The following NLGN1 variants were observed in gnomAD, a reference collection of about 807,000 sequenced individuals.
NLGN1 encodes neuroligin-1.
In NLGN1, 12 loss-of-function variants were observed where a neutral mutation model predicts 65.5. The observed-to-expected ratio is 0.18, with a 90% confidence interval of 0.12 to 0.30. The LOEUF is 0.30. Ranked by LOEUF, NLGN1 falls within the 10% of genes least tolerant of loss-of-function variation. The pLI is 1.00. For synonymous variants in NLGN1, 350 were observed against 359.5 expected, an observed-to-expected ratio of 0.97 and a Z score of 0.30; for missense variants, 750 against 1,007.1, an observed-to-expected ratio of 0.74 and a Z score of 3.46.
chr3:174,001,941 A>G (rs1208985425), intron 4 of NLGN1, among the ~76,000 whole-genome samples: 2 of 152,144 alleles, frequency 1.3e-5, no homozygotes, highest in Admixed American at 6.5e-5. Context: ...TGCACTTCGG[A>G]AACTCTGATG....
At chr3:173,963,428 A>G (rs1342688006) in intron 4 of NLGN1, among the ~76,000 whole-genome samples, 1 of 152,206 alleles carries the variant, frequency 6.6e-6, no homozygotes, top group East Asian at 1.9e-4. Context: ...GTTACATTTT[A>G]CATGAGTGGG....
intron 3 of NLGN1, among the ~76,000 whole-genome samples, chr3:173,739,139 C>T (rs1178437963): frequency 1.3e-5 from 2 of 151,846 alleles, no homozygotes; most frequent in Admixed American, 6.6e-5. Context: ...ACTCATGAGT[C>T]GTACTCATGG....
chr3:173,877,659 T>G (rs1292420656), intron 4 of NLGN1, among the ~76,000 whole-genome samples: 1 of 152,140 alleles, frequency 6.6e-6, no homozygotes, highest in Non-Finnish European at 1.5e-5. Flanking sequence ...TCTGTACTAT[T>G]TTTGCCACTC....
At chr3:174,041,130 C>T (rs1391554888) in intron 4 of NLGN1, among the ~76,000 whole-genome samples, 2 of 152,116 alleles carry the variant, frequency 1.3e-5, no homozygotes, top group Non-Finnish European at 2.9e-5. Flanking sequence ...CCATCATGCT[C>T]CATTCCAGCC....
intron 3 of NLGN1, among the ~76,000 whole-genome samples, chr3:173,750,636 C>T (rs1776187446): frequency 6.6e-6 from 1 of 152,024 alleles, no homozygotes; most frequent in Admixed American, 6.6e-5. Flanking sequence ...ATTTCTGTGC[C>T]TCAAAGTAAT....
intron 4 of NLGN1, among the ~76,000 whole-genome samples, chr3:173,923,653 G>C (rs1197103708): frequency 6.6e-6 from 1 of 151,970 alleles, no homozygotes; most frequent in Non-Finnish European, 1.5e-5. Flanking sequence ...TAAATTTTCA[G>C]TATAAATCTG....
At chr3:174,060,368 C>T (rs1219829970) in intron 4 of NLGN1, among the ~76,000 whole-genome samples, 1 of 151,672 alleles carries the variant, frequency 6.6e-6, no homozygotes, top group Non-Finnish European at 1.5e-5. Flanking sequence ...AGAAGAAGGA[C>T]AGGAAAAGAG....
chr3:173,462,042 A>G (rs1342835226), intron 2 of NLGN1, among the ~76,000 whole-genome samples: 1 of 152,240 alleles, frequency 6.6e-6, no homozygotes, highest in African/African-American at 2.4e-5. Flanking sequence ...CTGATAAAAC[A>G]TCAAAAATCA....
intron 2 of NLGN1, among the ~76,000 whole-genome samples, chr3:173,523,754 A>T (rs1010262170): frequency 6.6e-6 from 1 of 151,534 alleles, no homozygotes; most frequent in Non-Finnish European, 1.5e-5. Context: ...TTTTGATTAC[A>T]TATGAAATTT....
At chr3:173,964,938 C>T (rs920215909) in intron 4 of NLGN1, among the ~76,000 whole-genome samples, 1 of 152,154 alleles carries the variant, frequency 6.6e-6, no homozygotes, top group African/African-American at 2.4e-5. Flanking sequence ...GATATGAGAT[C>T]TTCAAAGCTG....
chr3:174,012,217 T>G (rs891709174), intron 4 of NLGN1, among the ~76,000 whole-genome samples: 1 of 152,138 alleles, frequency 6.6e-6, no homozygotes, highest in Non-Finnish European at 1.5e-5. Context: ...CCATCTCCCA[T>G]ACTTACACCC....
chr3:173,817,838 A>C (rs1001078019), intron 4 of NLGN1, among the ~76,000 whole-genome samples: 52 of 152,222 alleles, frequency 3.4e-4, no homozygotes, highest in African/African-American at 1.3e-3. Context: ...TTATTGTCTT[A>C]ATAGTCTTTG....
intron 4 of NLGN1, among the ~76,000 whole-genome samples, chr3:173,909,580 T>C (rs943170919): frequency 3.3e-5 from 5 of 152,324 alleles, no homozygotes; most frequent in African/African-American, 1.2e-4. Flanking sequence ...TATATTATTT[T>C]CTCACCTTTC....
intron 2 of NLGN1, among the ~76,000 whole-genome samples, chr3:173,467,802 TC>T (rs1415384454): frequency 2.6e-5 from 4 of 152,164 alleles, no homozygotes; most frequent in African/African-American, 9.7e-5. Context: ...GTCCATGCAG[TC>T]CTTTAGAGAT....
chr3:173,884,352 A>G (rs772628172), intron 4 of NLGN1, among the ~76,000 whole-genome samples: 2 of 152,210 alleles, frequency 1.3e-5, no homozygotes, highest in Non-Finnish European at 2.9e-5. Context: ...ATCCCGTCCT[A>G]GTCTTACAGT....
intron 2 of NLGN1, among the ~76,000 whole-genome samples, chr3:173,528,425 C>T (rs762035939): frequency 1.3e-5 from 2 of 152,100 alleles, no homozygotes; most frequent in Admixed American, 6.5e-5. Context: ...TGATGATATT[C>T]ATCTAGTATA....
intron 4 of NLGN1, among the ~76,000 whole-genome samples, chr3:174,220,548 A>G (rs1738445577): frequency 6.6e-6 from 1 of 152,212 alleles, no homozygotes; most frequent in Admixed American, 6.5e-5. Context: ...CATTATTTCA[A>G]AAATAATAAT....
chr3:174,260,586 C>A (rs1312606760), intron 4 of NLGN1, among the ~76,000 whole-genome samples: 3 of 137,494 alleles, frequency 2.2e-5, no homozygotes, highest in African/African-American at 8.2e-5. Context: ...TGGATATTAG[C>A]CCTTTGTCAG....
chr3:173,936,049 G>T (rs1035484027), intron 4 of NLGN1, among the ~76,000 whole-genome samples: 1 of 151,646 alleles, frequency 6.6e-6, no homozygotes, highest in Non-Finnish European at 1.5e-5. Context: ...CATAGGCATG[G>T]ATTCTGTTGT....
Sources: gnomAD v4.1 joint callset for allele counts (sites outside exome capture counted in the v4.1 genomes callset) on GRCh38, gnomAD v4.1.1 for gene constraint, MANE v1.5 for transcripts, NCBI Gene and HGNC (gene_info 2026-07-23, HGNC 2026-07-21) for gene names.